The following TBL1X variants were observed in gnomAD, a reference collection of about 807,000 sequenced individuals.
TBL1X encodes the protein F-box-like/WD repeat-containing protein TBL1X.
In TBL1X, 10 loss-of-function variants were observed where a neutral mutation model predicts 50.7. That is an observed-to-expected ratio of 0.20 (90% CI 0.12 to 0.33). The LOEUF (loss-of-function observed/expected upper bound fraction) is 0.33. TBL1X is among the 10% of genes least tolerant of loss of function. The pLI, the probability that TBL1X is intolerant of heterozygous loss-of-function variation, is 1.00. For synonymous variants in TBL1X, 190 were observed against 214.7 expected, an observed-to-expected ratio of 0.88 and a Z score of 1.01; for missense variants, 340 against 504.4, an observed-to-expected ratio of 0.67 and a Z score of 3.12.
chrX:9,488,350 C>T (rs1267057520), intron 1 of TBL1X, among the ~76,000 whole-genome samples: 1 of 112,042 alleles, frequency 8.9e-6, no homozygotes, highest in Admixed American at 9.5e-5. Flanking sequence ...GGCTTCCTTG[C>T]CTTTTCCAGC....
At chrX:9,482,379 C>T (rs912663584) in intron 1 of TBL1X, among the ~76,000 whole-genome samples, 1 of 111,831 alleles carries the variant, frequency 8.9e-6, no homozygotes, top group African/African-American at 3.3e-5. Context: ...GAAGCTTAGC[C>T]CATCTGCAGT....
intron 5 of TBL1X, among the ~76,000 whole-genome samples, chrX:9,660,275 TAATA>T (rs1462085592): frequency 5.3e-5 from 6 of 112,509 alleles, no homozygotes; most frequent in African/African-American, 1.9e-4. Flanking sequence ...GCAGACAAGT[TAATA>T]AAAACCATGT....
At chrX:9,570,953 A>G (rs777693880) in intron 2 of TBL1X, among the ~76,000 whole-genome samples, 1 of 111,951 alleles carries the variant, frequency 8.9e-6, no homozygotes, top group South Asian at 3.7e-4. Context: ...CTCGGATTAC[A>G]GGCGTGAGCC....
At chrX:9,533,454 G>A (rs890420406) in intron 2 of TBL1X, among the ~76,000 whole-genome samples, 25 of 112,061 alleles carry the variant, frequency 2.2e-4, no homozygotes, top group South Asian at 1.5e-3. Context: ...GAAGTGTTCT[G>A]ATGGTAGGGA....
At chrX:9,471,250 G>A (rs981561778) in intron 1 of TBL1X, among the ~76,000 whole-genome samples, 1 of 112,508 alleles carries the variant, frequency 8.9e-6, no homozygotes, top group Non-Finnish European at 1.9e-5. Context: ...GACGTGGCAT[G>A]TTTTCTAATA....
rs1308058244 is a variant in TBL1X, at chrX:9,719,286, T to C, written c.*3040T>C. ...AACCCTCTGACCCCTCGCGACACCGTAGGACTTGACTTTTGTTTAGTCTTT... is the reference window on the plus strand; with the variant it reads ...AACCCTCTGACCCCTCGCGACACCGCAGGACTTGACTTTTGTTTAGTCTTT... On this transcript the variant is annotated 3_prime_UTR_variant, in exon 18 of 18. Transcript: ENST00000645353. 1 of 112,416 alleles carries C rather than the reference T, an allele frequency of 8.9e-6. No homozygotes were observed. The highest frequency in any genetic ancestry group is 1.9e-5 in the Non-Finnish European group (1 of 53,203). 9.3% of individuals were successfully genotyped at this position (112,416 alleles called of 1,213,427 possible).
intron 1 of TBL1X, among the ~76,000 whole-genome samples, chrX:9,475,636 C>A (rs1206367081): frequency 9.1e-6 from 1 of 109,953 alleles, no homozygotes. Flanking sequence ...CAACTCAGAC[C>A]ACATTGTGGG....
intron 2 of TBL1X, among the ~76,000 whole-genome samples, chrX:9,551,087 C>T (rs924630485): frequency 1.8e-5 from 2 of 111,313 alleles, no homozygotes; most frequent in Admixed American, 9.6e-5. Flanking sequence ...TGTATAGACA[C>T]GTACATATAT....
intron 2 of TBL1X, among the ~76,000 whole-genome samples, chrX:9,621,992 A>C (rs2082669331): frequency 8.9e-6 from 1 of 112,248 alleles, no homozygotes; most frequent in South Asian, 3.7e-4. Context: ...AATTTTAGTT[A>C]AGAGTTTGAA....
intron 2 of TBL1X, among the ~76,000 whole-genome samples, chrX:9,631,318 A>G (rs2082720504): frequency 9.0e-6 from 1 of 111,511 alleles, no homozygotes; most frequent in African/African-American, 3.3e-5. Context: ...AGTAGCCCAC[A>G]GTGTCTGCTG....
intron 2 of TBL1X, among the ~76,000 whole-genome samples, chrX:9,556,971 T>TA (rs2082304052): frequency 9.0e-6 from 1 of 111,311 alleles, no homozygotes; most frequent in East Asian, 2.8e-4. Context: ...CCACTTCTGT[T>TA]AAAACCACTC....
chrX:9,627,656 C>T (rs765935534), intron 2 of TBL1X, among the ~76,000 whole-genome samples: 1 of 112,490 alleles, frequency 8.9e-6, no homozygotes, highest in South Asian at 3.7e-4. Flanking sequence ...AATTGTGTTT[C>T]AGTTGCCCAA....
At position 9,718,275 on chromosome X, in the gene TBL1X, C is replaced by G. The variant is rs2146668401; in HGVS notation, c.*2029C>G. 8.9e-6 allele frequency: 1 copy of G among 111,779 alleles called. No homozygotes were observed. Among genetic ancestry groups the G allele is most frequent in the African/African-American group, 3.2e-5 (1 of 30,794 alleles). The allele number at this position is 111,779 out of a possible 1,213,427, so 9.2% of individuals were successfully genotyped here. A position where few individuals can be genotyped will look rare whatever the true frequency, so the allele number is the denominator to read the frequency against. ...GGCTTCTGTGGAACTTGGAACGTGC[C>G]AGGACCACCTGCAAAAGCCAGGGTG... On this transcript the variant is annotated 3_prime_UTR_variant, in exon 18 of 18. Transcript: ENST00000645353.
intron 1 of TBL1X, among the ~76,000 whole-genome samples, chrX:9,478,436 A>G (rs1370152706): frequency 9.8e-5 from 11 of 111,972 alleles, no homozygotes; most frequent in Admixed American, 9.5e-4. Flanking sequence ...AATTATATCA[A>G]TGAGAAAATT....
chrX:9,697,613 A>G lies in TBL1X; in HGVS notation c.1114+184A>G, dbSNP rs1601846733. Reference sequence around the variant, plus strand: ...ATGGCAAAACCCATCACTACAAAAAATACGATAACTAGCCAGGCGTGGTGG... The same window carrying G: ...ATGGCAAAACCCATCACTACAAAAAGTACGATAACTAGCCAGGCGTGGTGG... On this transcript the variant is annotated intron_variant, in intron 12 of 17. Transcript: ENST00000645353. Among the ~76,000 whole-genome samples the G allele has an allele frequency of 2.7e-5, 3 of 112,129 alleles. 1 individual carries two copies. The highest frequency in any genetic ancestry group is 5.6e-4 in the East Asian group (2 of 3,564).
chrX:9,577,195 A>G (rs1427181108), intron 2 of TBL1X, among the ~76,000 whole-genome samples: 3 of 112,079 alleles, frequency 2.7e-5, no homozygotes, highest in Non-Finnish European at 3.8e-5. Context: ...GGCATCCCCA[A>G]TAGGACTGCC....
chrX:9,502,142 T>C (rs1181720828), intron 2 of TBL1X, among the ~76,000 whole-genome samples: 9 of 113,050 alleles, frequency 8.0e-5, no homozygotes, highest in Non-Finnish European at 5.6e-5. Context: ...GGTATCTTAT[T>C]GATAATGTAA....
At chrX:9,561,904 A>G (rs2082326764) in intron 2 of TBL1X, among the ~76,000 whole-genome samples, 1 of 112,141 alleles carries the variant, frequency 8.9e-6, no homozygotes, top group South Asian at 3.7e-4. Flanking sequence ...GTGAGGAGGG[A>G]GTCAGAAGTG....
chrX:9,616,944 C>G (rs775182083), intron 2 of TBL1X, among the ~76,000 whole-genome samples: 1 of 111,494 alleles, frequency 9.0e-6, no homozygotes, highest in African/African-American at 3.3e-5. Flanking sequence ...GAATTATTTC[C>G]TTATACTTAT....
Sources: gnomAD v4.1 joint callset for allele counts (sites outside exome capture counted in the v4.1 genomes callset) on GRCh38, gnomAD v4.1.1 for gene constraint, MANE v1.5 for transcripts, NCBI Gene and HGNC (gene_info 2026-07-23, HGNC 2026-07-21) for gene names.